RIMS2: variants seen among roughly 807,000 people sequenced by gnomAD.
RIMS2 encodes the protein regulating synaptic membrane exocytosis protein 2.
RIMS2 carries 59 observed loss-of-function variants against 174.4 expected under a neutral mutation model. That is an observed-to-expected ratio of 0.34 (90% CI 0.27 to 0.42). RIMS2 has a LOEUF of 0.42. RIMS2 is among the 10% of genes least tolerant of loss of function. The pLI is 1.00. For synonymous variants in RIMS2, 606 were observed against 572.5 expected (o/e 1.06, Z -0.84); for missense variants, 1,620 against 1,666.3 (o/e 0.97, Z 0.48).
Position 104,173,146 on chromosome 8 carries a change from C to T in RIMS2, c.3335-71770C>T, listed in dbSNP as rs189060181. ...AACAATGCCTCCTCTCATTTTTGGTCTTTTATTTTTTGATCAATGTAAGTG... is the reference window on the plus strand; with the variant it reads ...AACAATGCCTCCTCTCATTTTTGGTTTTTTATTTTTTGATCAATGTAAGTG... On this transcript the variant is annotated intron_variant, in intron 19 of 23. Coordinates refer to ENST00000504942, the Ensembl canonical transcript of RIMS2. Among the ~76,000 whole-genome samples, 103 of 152,184 alleles carry T rather than the reference C, an allele frequency of 6.8e-4. 3 individuals carry two copies. Among genetic ancestry groups the T allele is most frequent in the Admixed American group, 5.9e-3 (90 of 15,276 alleles).
rs769656644 is a variant in RIMS2, at chr8:103,819,473, G to A, written c.698+52936G>A. On this transcript the variant is annotated intron_variant, in intron 3 of 23. Coordinates refer to ENST00000504942, the Ensembl canonical transcript of RIMS2. ...GATGATTTTAAAGACAGGTGGTAGGGAAAAATAAGAGAAGGGGAAAAAAAA... is the reference window on the plus strand; with the variant it reads ...GATGATTTTAAAGACAGGTGGTAGGAAAAAATAAGAGAAGGGGAAAAAAAA... The A allele has an allele frequency of 3.7e-6, 6 of 1,608,160 alleles. No individual in the cohort carries two copies. The East Asian group carries it at 1.3e-4, about 36-fold the overall frequency.
chr8:103,599,864 C>T (rs951614781), intron 1 of RIMS2, among the ~76,000 whole-genome samples: 3 of 152,128 alleles, frequency 2.0e-5, no homozygotes, highest in Non-Finnish European at 2.9e-5. Context: ...GGTATCTGTT[C>T]CTTCAAGCCT....
At chr8:104,106,904 G>T (rs2098080260) in intron 19 of RIMS2, among the ~76,000 whole-genome samples, 1 of 152,042 alleles carries the variant, frequency 6.6e-6, no homozygotes, top group Admixed American at 6.6e-5. Flanking sequence ...TAACTTTCAT[G>T]CATGAGTATT....
chr8:103,621,153 A>G (rs1347567762), intron 1 of RIMS2, among the ~76,000 whole-genome samples: 3 of 152,212 alleles, frequency 2.0e-5, no homozygotes, highest in Non-Finnish European at 4.4e-5. Context: ...TTATTGCCAT[A>G]AAGAAATAGC....
chr8:103,505,050 C>T (rs1024666747), intron 1 of RIMS2, among the ~76,000 whole-genome samples: 17 of 151,630 alleles, frequency 1.1e-4, no homozygotes, highest in African/African-American at 3.9e-4. Context: ...GATGAGGTCT[C>T]CCTATGTTGC....
intron 19 of RIMS2, among the ~76,000 whole-genome samples, chr8:104,068,924 A>T (rs2097150374): frequency 6.6e-6 from 1 of 152,162 alleles, no homozygotes; most frequent in African/African-American, 2.4e-5. Context: ...GTTTTCTTTC[A>T]TATAGATTTT....
At chr8:103,921,771 C>T (rs1204649707) in exon 10 of RIMS2, 4 of 1,366,790 alleles carry the variant, frequency 2.9e-6, no homozygotes, top group Non-Finnish European at 3.1e-6. Flanking sequence ...CAGTTCTTAT[C>T]AGGACAACTT....
intron 3 of RIMS2, among the ~76,000 whole-genome samples, chr8:103,794,351 C>T (rs912983984): frequency 6.6e-6 from 1 of 152,008 alleles, no homozygotes; most frequent in Admixed American, 6.6e-5. Flanking sequence ...CCTATTTAAT[C>T]AATGGTGCTG....
intron 1 of RIMS2, among the ~76,000 whole-genome samples, chr8:103,583,075 G>A (rs1240434170): frequency 2.6e-5 from 4 of 152,172 alleles, no homozygotes; most frequent in African/African-American, 4.8e-5. Flanking sequence ...CTCAGCTTTA[G>A]GTGGCTCAGA....
intron 19 of RIMS2, among the ~76,000 whole-genome samples, chr8:104,192,560 T>C (rs1159667338): frequency 3.3e-5 from 5 of 152,192 alleles, no homozygotes; most frequent in Non-Finnish European, 7.4e-5. Flanking sequence ...ATAGAAGTGG[T>C]TCAGCTAGTG....
intron 1 of RIMS2, among the ~76,000 whole-genome samples, chr8:103,633,312 G>T (rs2095991313): frequency 6.6e-6 from 1 of 151,406 alleles, no homozygotes; most frequent in East Asian, 1.9e-4. Flanking sequence ...TTCCCAAAGT[G>T]CTGGGATTAC....
intron 3 of RIMS2, among the ~76,000 whole-genome samples, chr8:103,881,322 A>G (rs926496236): frequency 1.3e-5 from 2 of 151,566 alleles, no homozygotes; most frequent in African/African-American, 4.8e-5. Flanking sequence ...AATGTTCATT[A>G]GACTATATTT....
intron 3 of RIMS2, among the ~76,000 whole-genome samples, chr8:103,857,205 C>T (rs1449364099): frequency 6.6e-6 from 1 of 152,122 alleles, no homozygotes; most frequent in Non-Finnish European, 1.5e-5. Flanking sequence ...TATCAATATA[C>T]AAATCTAGAT....
At chr8:103,732,519 T>C (rs1278742512) in intron 2 of RIMS2, among the ~76,000 whole-genome samples, 1 of 152,162 alleles carries the variant, frequency 6.6e-6, no homozygotes, top group African/African-American at 2.4e-5. Context: ...CAGGCTTGCA[T>C]CCTTCCTTTC....
chr8:103,975,874 C>T (rs1183051481), intron 16 of RIMS2: 2 of 160,088 alleles, frequency 1.2e-5, no homozygotes, highest in Non-Finnish European at 2.7e-5. Flanking sequence ...AAGGAATCAT[C>T]CAGCACAGGA....
intron 4 of RIMS2, among the ~76,000 whole-genome samples, chr8:103,891,538 C>T (rs1423145326): frequency 6.6e-6 from 1 of 152,000 alleles, no homozygotes; most frequent in African/African-American, 2.4e-5. Context: ...AAAGATGCCC[C>T]ATTTGATCTT....
intron 3 of RIMS2, among the ~76,000 whole-genome samples, chr8:103,795,571 AAGTAT>A (rs1297440671): frequency 6.6e-6 from 1 of 152,140 alleles, no homozygotes; most frequent in Non-Finnish European, 1.5e-5. Context: ...CTAGAAATTA[AAGTAT>A]AATAATAATG....
chr8:103,677,911 G>C (rs528062500), intron 1 of RIMS2, among the ~76,000 whole-genome samples: 1 of 152,136 alleles, frequency 6.6e-6, no homozygotes, highest in Non-Finnish European at 1.5e-5. Flanking sequence ...TATTCTGTAT[G>C]TATGTGTGTA....
chr8:103,866,159 T>G (rs1298725320), intron 3 of RIMS2, among the ~76,000 whole-genome samples: 1 of 152,198 alleles, frequency 6.6e-6, no homozygotes, highest in Non-Finnish European at 1.5e-5. Flanking sequence ...CATGTTAATG[T>G]GTATCATCAA....
Sources: allele counts gnomAD v4.1 joint callset (sites outside exome capture counted in the v4.1 genomes callset), GRCh38; gene constraint gnomAD v4.1.1; transcripts MANE v1.5; gene names NCBI Gene and HGNC (gene_info 2026-07-23, HGNC 2026-07-21).